The following TMC1 variants were observed in gnomAD, a reference collection of about 807,000 sequenced individuals.
TMC1 encodes the protein transmembrane channel-like protein 1.
A neutral mutation model predicts 105.8 loss-of-function variants in TMC1; 84 were observed. That is an observed-to-expected ratio of 0.79 (90% CI 0.67 to 0.95). The LOEUF is 0.95. TMC1 is among the 40% of genes least tolerant of loss of function. The pLI is 0.00. For missense variants in TMC1, 817 were observed against 914.1 expected, an observed-to-expected ratio of 0.89 and a Z score of 1.37; for synonymous variants, 315 against 311.5, an observed-to-expected ratio of 1.01 and a Z score of -0.12.
chr9:72,775,958 G>T, intron 13 of TMC1, among the ~76,000 whole-genome samples: 1 of 152,114 alleles, frequency 6.6e-6, no homozygotes. Flanking sequence ...GCAAAAGAAG[G>T]CATTAATCTG....
At chr9:72,745,954 G>A (rs1827482090) in intron 10 of TMC1, among the ~76,000 whole-genome samples, 1 of 152,102 alleles carries the variant, frequency 6.6e-6, no homozygotes, top group African/African-American at 2.4e-5. Flanking sequence ...GTTACAGTCA[G>A]TTTTACATGT....
At chr9:72,742,641 A>G in intron 10 of TMC1, 116 bp downstream of exon 10, 1 of 864,404 alleles carries the variant, frequency 1.2e-6, no homozygotes, top group Admixed American at 2.1e-5. Flanking sequence ...CAAACAAACA[A>G]ACAAACAAAA....
chr9:72,769,388 GA>G (rs1827889118), intron 12 of TMC1, among the ~76,000 whole-genome samples: 1 of 152,220 alleles, frequency 6.6e-6, no homozygotes. Context: ...TGACATAAAA[GA>G]ATGTAGTGTC....
At chr9:72,661,995 G>C (rs1825975294) in intron 5 of TMC1, among the ~76,000 whole-genome samples, 1 of 152,144 alleles carries the variant, frequency 6.6e-6, no homozygotes, top group Non-Finnish European at 1.5e-5. Context: ...GGATAGTTCA[G>C]CTAGGTCTGA....
chr9:72,733,711 C>T (rs1352147614), intron 8 of TMC1, among the ~76,000 whole-genome samples: 1 of 152,140 alleles, frequency 6.6e-6, no homozygotes, highest in Non-Finnish European at 1.5e-5. Context: ...CTTAACTAAC[C>T]ACTTATCACA....
chr9:72,573,502 C>A (rs556763793), intron 1 of TMC1, among the ~76,000 whole-genome samples: 3 of 152,160 alleles, frequency 2.0e-5, no homozygotes, highest in Non-Finnish European at 4.4e-5. Flanking sequence ...GAATGAAGGA[C>A]AAAAGGGGCA....
intron 6 of TMC1, among the ~76,000 whole-genome samples, chr9:72,691,320 G>T (rs1311882833): frequency 2.0e-5 from 3 of 152,022 alleles, no homozygotes; most frequent in African/African-American, 4.8e-5. Context: ...ATTAGGGCTG[G>T]TTTCTGGAGC....
chr9:72,623,176 T>G (rs1825288066), intron 3 of TMC1, among the ~76,000 whole-genome samples: 3 of 130,910 alleles, frequency 2.3e-5, no homozygotes, highest in Non-Finnish European at 3.2e-5. Context: ...TTTTTTTTTT[T>G]GTCTCATCTT....
At chr9:72,738,040 T>C (rs1441073490) in intron 8 of TMC1, among the ~76,000 whole-genome samples, 4 of 152,188 alleles carry the variant, frequency 2.6e-5, no homozygotes, top group Admixed American at 6.5e-5. Flanking sequence ...TATTAGATAC[T>C]CCCTTGTCTA....
At chr9:72,574,392 C>T (rs1025535364) in intron 1 of TMC1, among the ~76,000 whole-genome samples, 3 of 147,282 alleles carry the variant, frequency 2.0e-5, no homozygotes, top group Non-Finnish European at 4.4e-5. Context: ...TCCCTTGGCT[C>T]AGAAACAGAT....
rs1378821340 is a variant in TMC1 at position 72,688,748 on chromosome 9, A to T, written c.56A>T (p.Glu19Val). 17 of 1,611,820 alleles carry T rather than the reference A, an allele frequency of 1.1e-5. No homozygotes were observed. The highest frequency in any genetic ancestry group is 1.4e-5 in the Non-Finnish European group (16 of 1,178,622). Residue 19 changes from glutamate to valine, a missense_variant, in exon 6 of 24, where the codon GAA becomes GTA. Coordinates refer to ENST00000297784, the MANE Select transcript of TMC1 (RefSeq NM_138691.3). The stretch of plus-strand genomic sequence containing the variant: ...GAGGAAAAAGAAGACGAGACTGAGG[A>T]AAGCTCAAGTAAGTGGTGATGGGCC... ...KVEEKEDETEESSSEEEEEVE... is the reference protein window; with the variant it reads ...KVEEKEDETEVSSSEEEEEVE...
At chr9:72,761,315 G>C (rs1330194564) in intron 12 of TMC1, among the ~76,000 whole-genome samples, 5 of 152,168 alleles carry the variant, frequency 3.3e-5, no homozygotes, top group Non-Finnish European at 7.3e-5. Flanking sequence ...TGAGGAGAAA[G>C]AAGGAGGAAC....
intron 2 of TMC1, among the ~76,000 whole-genome samples, chr9:72,600,696 AAAG>A (rs1033778110): frequency 6.6e-5 from 10 of 152,278 alleles, no homozygotes; most frequent in Admixed American, 2.6e-4. Context: ...CCAATTAAAA[AAAG>A]AAAAAAATTA....
intron 6 of TMC1, among the ~76,000 whole-genome samples, chr9:72,689,466 A>T (rs921844769): frequency 2.0e-5 from 3 of 152,032 alleles, no homozygotes; most frequent in African/African-American, 7.2e-5. Context: ...TTTGATCTAT[A>T]ATGTTGTTCA....
At chr9:72,595,937 C>T (rs1311341974) in intron 2 of TMC1, among the ~76,000 whole-genome samples, 5 of 148,636 alleles carry the variant, frequency 3.4e-5, no homozygotes, top group African/African-American at 1.2e-4. Context: ...AGTGCAGTGG[C>T]GTGATCTCGG....
At chr9:72,773,535 A>G (rs1362120467) in intron 13 of TMC1, among the ~76,000 whole-genome samples, 3 of 152,188 alleles carry the variant, frequency 2.0e-5, no homozygotes, top group East Asian at 1.9e-4. Flanking sequence ...AGGAAATCCT[A>G]TATCTAAGAT....
At chr9:72,752,878 A>C (rs1034786811) in intron 11 of TMC1, among the ~76,000 whole-genome samples, 1 of 152,208 alleles carries the variant, frequency 6.6e-6, no homozygotes, top group African/African-American at 2.4e-5. Context: ...CTTTACATTC[A>C]TAAAGAGATT....
chr9:72,641,424 A>G (rs1460572687), intron 4 of TMC1, among the ~76,000 whole-genome samples: 1 of 152,196 alleles, frequency 6.6e-6, no homozygotes, highest in African/African-American at 2.4e-5. Context: ...TGCCAAATAT[A>G]TGCACTGTGT....
At chr9:72,689,133 A>G (rs1826421236) in intron 6 of TMC1, among the ~76,000 whole-genome samples, 1 of 152,188 alleles carries the variant, frequency 6.6e-6, no homozygotes, top group Non-Finnish European at 1.5e-5. Context: ...ATAGCAGTGT[A>G]GAAATATGAT....
Sources: gnomAD v4.1 joint callset for allele counts (sites outside exome capture counted in the v4.1 genomes callset) on GRCh38, gnomAD v4.1.1 for gene constraint, MANE v1.5 for transcripts, NCBI Gene and HGNC (gene_info 2026-07-23, HGNC 2026-07-21) for gene names.